The following KLHDC4 variants were observed in gnomAD, a reference collection of about 807,000 sequenced individuals.
KLHDC4 encodes kelch domain containing 4, also known as kelch domain-containing protein 4.
KLHDC4 carries 90 observed loss-of-function variants against 62.4 expected under a neutral mutation model. The observed-to-expected ratio is 1.44, with a 90% CI of 1.22 to 1.72. The LOEUF is 1.72. Ranked by LOEUF, KLHDC4 falls within the 40% of genes most tolerant of loss-of-function variation. The pLI, the probability that KLHDC4 is intolerant of heterozygous loss-of-function variation, is 0.00. For synonymous variants in KLHDC4, 386 were observed against 284.4 expected (o/e 1.36, Z -3.59); for missense variants, 1,025 against 699.7 (o/e 1.47, Z -5.25).
At chr16:87,765,170 C>T (rs1049403591) in intron 1 of KLHDC4, 1 of 456,082 alleles carries the variant, frequency 2.2e-6, no homozygotes, top group South Asian at 1.5e-5. Flanking sequence ...GAACACTCAA[C>T]CCCAAGGTCA....
intron 7 of KLHDC4, among the ~76,000 whole-genome samples, chr16:87,722,419 G>A (rs1461195661): frequency 1.3e-5 from 2 of 152,110 alleles, no homozygotes; most frequent in African/African-American, 4.8e-5. Context: ...CAGCCCCAAG[G>A]TCAAGGCTCT....
In KLHDC4 at chr16:87,722,232, G is replaced by T. The variant is rs373890761; in HGVS notation, c.759+4533C>A. On this transcript the variant is annotated intron_variant, in intron 7 of 11. Coordinates refer to ENST00000270583, the MANE Select transcript of KLHDC4 (RefSeq NM_017566.4). Reference sequence around the variant, plus strand: ...ACTGACTCGGAATTTATAAAACGTGGTTACGATACTGACCAAAGCTGCCGG... The same window carrying T: ...ACTGACTCGGAATTTATAAAACGTGTTTACGATACTGACCAAAGCTGCCGG... 5.3e-5 allele frequency among the ~76,000 whole-genome samples: 8 copies of T among 152,344 alleles called. No individual in the cohort carries two copies. The South Asian group carries it at 6.2e-4, about 12-fold the overall frequency.
intron 5 of KLHDC4, among the ~76,000 whole-genome samples, chr16:87,738,495 G>T (rs990127103): frequency 1.5e-4 from 23 of 152,060 alleles, no homozygotes; most frequent in African/African-American, 5.6e-4. Flanking sequence ...CAGAAAAGTG[G>T]AAACAACCCA....
intron 1 of KLHDC4, 105 bp downstream of exon 1, chr16:87,765,687 C>G: frequency 9.0e-7 from 1 of 1,112,372 alleles, no homozygotes; most frequent in Non-Finnish European, 1.2e-6. Flanking sequence ...CCCGCAGGGC[C>G]GGCGCGGCTC....
intron 5 of KLHDC4, 29 bp from the exon 6 acceptor site, chr16:87,730,673 T>C (rs771284034): frequency 8.3e-6 from 13 of 1,567,268 alleles, no homozygotes; most frequent in South Asian, 3.5e-5. Flanking sequence ...AAAGACACTA[T>C]CAACCTGCTT....
chr16:87,710,953 C>T (rs1274089158), intron 9 of KLHDC4: 2 of 422,522 alleles, frequency 4.7e-6, no homozygotes, highest in East Asian at 4.2e-5. Context: ...GCAAACCCTT[C>T]TCACACAGAG....
chr16:87,732,972 C>G (rs1473956156), intron 5 of KLHDC4, among the ~76,000 whole-genome samples: 1 of 128,946 alleles, frequency 7.8e-6, no homozygotes, highest in African/African-American at 3.0e-5. Context: ...CAAAGCAAAT[C>G]CTATCCCAGC....
intron 1 of KLHDC4, among the ~76,000 whole-genome samples, chr16:87,764,107 G>C (rs1326671248): frequency 6.6e-6 from 1 of 152,194 alleles, no homozygotes; most frequent in Non-Finnish European, 1.5e-5. Flanking sequence ...TAATTGCCAG[G>C]ACTGTGAAAG....
At chr16:87,714,605 G>C in intron 7 of KLHDC4, 32 bp from the exon 8 acceptor site, 4 of 1,612,686 alleles carry the variant, frequency 2.5e-6, no homozygotes, top group Non-Finnish European at 1.7e-6. Flanking sequence ...TGAGAACCGG[G>C]GGCAGCTACA....
intron 8 of KLHDC4, among the ~76,000 whole-genome samples, chr16:87,712,222 G>C (rs894795735): frequency 3.0e-4 from 46 of 152,290 alleles, no homozygotes; most frequent in African/African-American, 1.1e-3. Flanking sequence ...ATGTGCAGAT[G>C]TCTCCCCACC....
intron 9 of KLHDC4, chr16:87,710,771 C>G (rs1567656845): frequency 1.3e-5 from 2 of 156,254 alleles, no homozygotes; most frequent in African/African-American, 4.8e-5. Context: ...CTGGTACACT[C>G]AGAGACCCTG....
In KLHDC4 at chr16:87,741,175, G is replaced by A. The variant is rs569388889; in HGVS notation, c.506+7498C>T. The stretch of plus-strand genomic sequence containing the variant: ...CTGTTGCTAGAATGGAGAAGACAAT[G>A]AGAGACTGTTAAAAAGTATCCACTA... On this transcript the variant is annotated intron_variant, in intron 5 of 11. Transcript: ENST00000270583. Among the ~76,000 whole-genome samples the A allele has an allele frequency of 9.8e-5, 15 of 152,290 alleles. No individual in the cohort carries two copies. In the South Asian group the frequency reaches 2.3e-3, roughly 23 times the overall value.
chr16:87,716,601 C>G (rs184994680), intron 7 of KLHDC4, among the ~76,000 whole-genome samples: 11 of 152,262 alleles, frequency 7.2e-5, no homozygotes, highest in African/African-American at 2.4e-4. Flanking sequence ...CTCAAGGGAG[C>G]CCTGGTTCCC....
intron 7 of KLHDC4, among the ~76,000 whole-genome samples, chr16:87,717,589 A>C (rs762717557): frequency 2.6e-5 from 4 of 152,228 alleles, no homozygotes; most frequent in African/African-American, 4.8e-5. Flanking sequence ...CCAGTGATGC[A>C]GTTTCTGCAC....
intron 5 of KLHDC4, among the ~76,000 whole-genome samples, chr16:87,738,693 CACACACCA>C (rs1199804054): frequency 7.8e-6 from 1 of 128,336 alleles, no homozygotes; most frequent in African/African-American, 3.0e-5. Flanking sequence ...CTCATCCATC[CACACACCA>C]GCACCTCATC....
intron 4 of KLHDC4, 57 bp from the exon 5 acceptor site, chr16:87,748,866 C>A (rs2043449791): frequency 6.2e-7 from 1 of 1,603,102 alleles, no homozygotes; most frequent in Admixed American, 1.7e-5. Context: ...GGGCCAGTGT[C>A]ATGGGTGACC....
In KLHDC4 at chr16:87,707,852, T is replaced by G; in HGVS notation, c.*225A>C. On this transcript the variant is annotated 3_prime_UTR_variant, in exon 12 of 12. Coordinates refer to ENST00000270583, the MANE Select transcript of KLHDC4 (RefSeq NM_017566.4). ...AATTTATTTCACACAACACACAGGC[T>G]GCTGAGGGAATCCACCTGCACTGCA... 2.4e-6 allele frequency: 1 copy of G among 423,484 alleles called. No individual in the cohort carries two copies. Among genetic ancestry groups the G allele is most frequent in the Non-Finnish European group, 4.8e-6 (1 of 207,376 alleles). 26.2% of individuals were successfully genotyped at this position (423,484 alleles called of 1,614,324 possible).
chr16:87,749,744 C>G (rs1182641356), intron 4 of KLHDC4, among the ~76,000 whole-genome samples: 1 of 152,024 alleles, frequency 6.6e-6, no homozygotes, highest in African/African-American at 2.4e-5. Context: ...ACATCATGCC[C>G]AGCTGTTTAA....
chr16:87,718,724 C>T (rs538727473), intron 7 of KLHDC4, among the ~76,000 whole-genome samples: 56 of 150,718 alleles, frequency 3.7e-4, no homozygotes, highest in African/African-American at 1.3e-3. Context: ...CCCGGCTGCC[C>T]AGCCTGGGAA....
Sources: gnomAD v4.1 joint callset for allele counts (sites outside exome capture counted in the v4.1 genomes callset) on GRCh38, gnomAD v4.1.1 for gene constraint, MANE v1.5 for transcripts, NCBI Gene and HGNC (gene_info 2026-07-23, HGNC 2026-07-21) for gene names.